Variants in GGACT observed in about 807,000 individuals in gnomAD.
GGACT encodes the protein gamma-glutamylaminecyclotransferase.
For synonymous variants in GGACT, 118 were observed against 115.3 expected, an observed-to-expected ratio of 1.02 and a Z score of -0.15; for missense variants, 241 against 233.2, an observed-to-expected ratio of 1.03 and a Z score of -0.22.
At chr13:100,580,908 C>T (rs1007953796) in intron 2 of GGACT, among the ~76,000 whole-genome samples, 7 of 152,168 alleles carry the variant, frequency 4.6e-5, no homozygotes, top group East Asian at 3.9e-4. Context: ...TCCCATAGGG[C>T]GAGATGGCAA....
At chr13:100,562,263 C>T (rs961265402) in intron 2 of GGACT, among the ~76,000 whole-genome samples, 6 of 152,138 alleles carry the variant, frequency 3.9e-5, no homozygotes, top group African/African-American at 1.4e-4. Context: ...CAACTAAGCT[C>T]GGTGAAGGGC....
chr13:100,548,485 T>C (rs2088628698), intron 2 of GGACT, among the ~76,000 whole-genome samples: 1 of 152,254 alleles, frequency 6.6e-6, no homozygotes, highest in Non-Finnish European at 1.5e-5. Flanking sequence ...TGAGAATATG[T>C]AAGAATAGGA....
At position 100,542,373 on chromosome 13, in the gene GGACT, C is replaced by G. The variant is rs1261555903; in HGVS notation, c.-10-9772G>C. Among the ~76,000 whole-genome samples, 4 of 152,226 alleles carry G rather than the reference C, an allele frequency of 2.6e-5. No individual in the cohort carries two copies. The East Asian group carries it at 7.7e-4, about 29-fold the overall frequency. The stretch of plus-strand genomic sequence containing the variant: ...TTTGTGCCCTAGGACGCTGGCCTTA[C>G]TCTTAACAGATCCAGTCCACGAAAG... On this transcript the variant is annotated intron_variant, in intron 2 of 2. Transcript: ENST00000683975.
At position 100,532,545 on chromosome 13, in the gene GGACT, T is replaced by C. The variant is rs2088426320; in HGVS notation, c.47A>G (p.Asn16Ser). 3.2e-6 allele frequency: 5 copies of C among 1,547,524 alleles called. No individual in the cohort carries two copies. Among genetic ancestry groups the C allele is most frequent in the Non-Finnish European group, 4.4e-6 (5 of 1,145,336 alleles). The change falls in exon 3 of 3, where the codon AAC becomes AGC. Residue 16 changes from asparagine (N) to serine (S), a missense_variant. Transcript: ENST00000683975. ...GGCGCCGTCCCGCAGGACCCTGTGG[T>C]TGGGCTGACCCCGCTTCAGGGTGCC... is the stretch of plus-strand genomic sequence containing the variant. ...VYGTLKRGQP[N>S]HRVLRDGAHG... is the part of the protein sequence containing the mutation.
intron 2 of GGACT, among the ~76,000 whole-genome samples, chr13:100,547,753 G>A (rs573728468): frequency 2.0e-5 from 3 of 152,344 alleles, no homozygotes; most frequent in South Asian, 4.1e-4. Flanking sequence ...CTTGGCAGCA[G>A]GGTCAAGGTC....
intron 2 of GGACT, among the ~76,000 whole-genome samples, chr13:100,565,693 C>T (rs2088804967): frequency 6.6e-6 from 1 of 152,154 alleles, no homozygotes; most frequent in Non-Finnish European, 1.5e-5. Flanking sequence ...TTCACTGCTG[C>T]TCCCCCTCAG....
chr13:100,545,135 A>G lies in GGACT; in HGVS notation c.-10-12534T>C, dbSNP rs1020031070. 1.3e-5 allele frequency among the ~76,000 whole-genome samples: 2 copies of G among 152,258 alleles called. No individual in the cohort carries two copies. The highest frequency in any genetic ancestry group is 2.9e-5 in the Non-Finnish European group (2 of 68,044). On this transcript the variant is annotated intron_variant, in intron 2 of 2. Transcript: ENST00000683975. The surrounding 1 kb of genome is among the most constrained non-coding windows in gnomAD (Gnocchi z 4.4). ...AGGGCCAACCTGCAGGCACGGCCTC[A>G]GGAACCTGGCTCCACTTGCCGGACC...
chr13:100,554,788 A>G (rs1029907637), intron 2 of GGACT, among the ~76,000 whole-genome samples: 3 of 152,228 alleles, frequency 2.0e-5, no homozygotes, highest in African/African-American at 7.2e-5. Flanking sequence ...TGGATATATG[A>G]GAATCATTGT....
At chr13:100,585,253 CG>C (rs1159467115) in intron 1 of GGACT, among the ~76,000 whole-genome samples, 1 of 152,194 alleles carries the variant, frequency 6.6e-6, no homozygotes, top group Non-Finnish European at 1.5e-5. Flanking sequence ...CCACAGCCTG[CG>C]GGTAAGTCCA....
intron 2 of GGACT, among the ~76,000 whole-genome samples, chr13:100,535,184 T>C (rs1215066875): frequency 6.6e-6 from 1 of 152,200 alleles, no homozygotes; most frequent in Non-Finnish European, 1.5e-5. Flanking sequence ...CCTGCCTGGC[T>C]TTCCCTGATG....
intron 2 of GGACT, among the ~76,000 whole-genome samples, chr13:100,548,250 T>C (rs2088626554): frequency 6.6e-6 from 1 of 152,284 alleles, no homozygotes; most frequent in African/African-American, 2.4e-5. Context: ...ACCTTTGGGC[T>C]AGAAATACTT....
intron 2 of GGACT, among the ~76,000 whole-genome samples, chr13:100,550,324 A>G (rs1029909397): frequency 2.9e-5 from 4 of 139,958 alleles, no homozygotes; most frequent in Admixed American, 1.4e-4. Flanking sequence ...ACACACACAC[A>G]CACACACACA....
chr13:100,550,586 C>T (rs2088653784), intron 2 of GGACT, among the ~76,000 whole-genome samples: 1 of 152,164 alleles, frequency 6.6e-6, no homozygotes, highest in South Asian at 2.1e-4. Flanking sequence ...AACCCAGGAC[C>T]CTAGACATTA....
chr13:100,539,355 C>T (rs2153012741), intron 2 of GGACT: 1 of 153,236 alleles, frequency 6.5e-6, no homozygotes, highest in East Asian at 1.9e-4. Context: ...TCATATACTG[C>T]CTTTATGATG....
At position 100,532,544 on chromosome 13, in the gene GGACT, G is replaced by A. The variant is rs1015860391; in HGVS notation, c.48C>T (p.Asn16=). 6.5e-7 allele frequency: 1 copy of A among 1,547,744 alleles called. No homozygotes were observed. The highest frequency in any genetic ancestry group is 2.0e-5 in the Admixed American group (1 of 50,850). The change falls in exon 3 of 3, where the codon AAC becomes AAT. Residue 16 remains asparagine, a synonymous_variant. Transcript: ENST00000683975. ...VYGTLKRGQP[N]HRVLRDGAHG... is the part of the protein sequence containing the mutation. ...GGGCGCCGTCCCGCAGGACCCTGTGGTTGGGCTGACCCCGCTTCAGGGTGC... is the reference window on the plus strand; with the variant it reads ...GGGCGCCGTCCCGCAGGACCCTGTGATTGGGCTGACCCCGCTTCAGGGTGC...
intron 1 of GGACT, among the ~76,000 whole-genome samples, chr13:100,587,635 T>C (rs1273441715): frequency 6.6e-6 from 1 of 152,170 alleles, no homozygotes; most frequent in Non-Finnish European, 1.5e-5. Context: ...TAAGGACACC[T>C]ACGTGTGTGT....
intron 2 of GGACT, among the ~76,000 whole-genome samples, chr13:100,550,472 C>A (rs1412254838): frequency 6.6e-6 from 1 of 151,456 alleles, no homozygotes; most frequent in African/African-American, 2.4e-5. Context: ...CTTTTAAAAG[C>A]ACCATTATAG....
rs1484221779 is a variant in GGACT, at chr13:100,578,879, C to T, written c.-11+4946G>A. The T allele has an allele frequency of 2.0e-5, 3 of 152,268 alleles. No individual in the cohort carries two copies. In the East Asian group the frequency reaches 5.8e-4, roughly 29 times the overall value. The allele number at this position is 152,268 out of a possible 1,614,324, so 9.4% of individuals were successfully genotyped here. On this transcript the variant is annotated intron_variant, in intron 2 of 2. Coordinates refer to ENST00000683975, the MANE Select transcript of GGACT (RefSeq NM_001195087.2). The stretch of plus-strand genomic sequence containing the variant: ...ATGTAAAAATATTAATTTTCTTTAA[C>T]TTACCTGCCTCGTACTCCCAAGTAC...
intron 2 of GGACT, among the ~76,000 whole-genome samples, chr13:100,577,404 G>A (rs1032461541): frequency 4.4e-5 from 5 of 112,538 alleles, no homozygotes; most frequent in South Asian, 6.7e-4. Flanking sequence ...TGACAAGAGC[G>A]AGACTCCATC....
Sources: gnomAD v4.1 joint callset for allele counts (sites outside exome capture counted in the v4.1 genomes callset) on GRCh38, gnomAD v4.1.1 for gene constraint, Gnocchi (gnomAD v3.1) non-coding constraint, MANE v1.5 for transcripts, NCBI Gene and HGNC (gene_info 2026-07-23, HGNC 2026-07-21) for gene names.